PCDH15: variants seen among roughly 807,000 people sequenced by gnomAD.
PCDH15 encodes the protein protocadherin-15.
A neutral mutation model predicts 178.5 loss-of-function variants in PCDH15; 129 were observed. The ratio of observed to expected loss-of-function variants is 0.72; its 90% CI spans 0.63 to 0.84. The LOEUF (loss-of-function observed/expected upper bound fraction) is 0.84. Ranked by LOEUF, PCDH15 falls within the 40% of genes least tolerant of loss-of-function variation. PCDH15 has a pLI of 0.00. For missense variants in PCDH15, 2,230 were observed against 2,099.9 expected (o/e 1.06, Z -1.21); for synonymous variants, 800 against 732.0 (o/e 1.09, Z -1.50).
chr10:55,177,776 C>T (rs1049354442), intron 1 of PCDH15, among the ~76,000 whole-genome samples: 3 of 152,102 alleles, frequency 2.0e-5, no homozygotes, highest in African/African-American at 7.2e-5. Flanking sequence ...CTGAACATGA[C>T]TGCAAACAGA....
At chr10:54,387,898 G>C (rs1479976835) in intron 3 of PCDH15, among the ~76,000 whole-genome samples, 4 of 152,074 alleles carry the variant, frequency 2.6e-5, no homozygotes, top group African/African-American at 7.2e-5. Context: ...CTGGTGTTTT[G>C]GTAACACACT....
At chr10:54,495,182 T>G (rs2137239535) in intron 3 of PCDH15, among the ~76,000 whole-genome samples, 1 of 152,312 alleles carries the variant, frequency 6.6e-6, no homozygotes, top group South Asian at 2.1e-4. Flanking sequence ...ACCTATGTTC[T>G]AATGTAATTT....
Position 54,317,307 on chromosome 10 carries a change from G to A in PCDH15, c.840C>T (p.Leu280=), listed in dbSNP as rs201674866. 2 of 1,613,806 alleles carry A rather than the reference G, an allele frequency of 1.2e-6. No homozygotes were observed. Among genetic ancestry groups the A allele is most frequent in the Non-Finnish European group, 1.7e-6 (2 of 1,179,900 alleles). The change falls in exon 8 of 38, where the codon CTC becomes CTT. Residue 280 remains leucine (L), a synonymous_variant. Transcript: ENST00000644397. ...LVPNTRDCRP[L]TYQAAIPELR... The stretch of plus-strand genomic sequence containing the variant: ...ACTCAGGTATGGCAGCTTGATAAGT[G>A]AGTGGACGGCAATCACGAGTGTTTG...
intron 13 of PCDH15, among the ~76,000 whole-genome samples, chr10:54,171,549 T>G (rs2046910330): frequency 6.9e-6 from 1 of 145,462 alleles, no homozygotes; most frequent in African/African-American, 2.7e-5. Context: ...TACTCGTACA[T>G]GCCCTGCTCT....
intron 1 of PCDH15, among the ~76,000 whole-genome samples, chr10:55,276,184 A>AC (rs1334337068): frequency 6.6e-6 from 1 of 150,900 alleles, no homozygotes; most frequent in Non-Finnish European, 1.5e-5. Context: ...TAAAAACGTA[A>AC]CTTTTTTCTT....
intron 5 of PCDH15, 49 bp downstream of exon 5, chr10:54,369,071 G>T: frequency 6.3e-7 from 1 of 1,576,214 alleles, no homozygotes; most frequent in Non-Finnish European, 8.7e-7. Flanking sequence ...TATATAGTTA[G>T]ATACATATAT....
At chr10:55,391,050 A>C (rs1837780843) in intron 2 of PCDH15, among the ~76,000 whole-genome samples, 1 of 152,150 alleles carries the variant, frequency 6.6e-6, no homozygotes, top group Non-Finnish European at 1.5e-5. Flanking sequence ...CCAGCCAGGC[A>C]TTGACTTCTC....
intron 11 of PCDH15, chr10:54,189,460 C>T: frequency 9.8e-7 from 1 of 1,025,088 alleles, no homozygotes; most frequent in South Asian, 2.2e-5. Flanking sequence ...AAAAAGCAAA[C>T]CACTTCCAGC....
intron 2 of PCDH15, among the ~76,000 whole-genome samples, chr10:54,907,899 G>A (rs1344624291): frequency 1.3e-5 from 2 of 152,154 alleles, no homozygotes; most frequent in African/African-American, 4.8e-5. Flanking sequence ...CCTAAGGTAG[G>A]CCTAAGAAGT....
chr10:54,750,410 C>A (rs1946072381), intron 1 of PCDH15, among the ~76,000 whole-genome samples: 1 of 151,984 alleles, frequency 6.6e-6, no homozygotes, highest in Admixed American at 6.6e-5. Flanking sequence ...AAAGGAAACA[C>A]CTTTTTGGTG....
chr10:54,071,852 T>C (rs1019987455), intron 17 of PCDH15, among the ~76,000 whole-genome samples: 1 of 152,136 alleles, frequency 6.6e-6, no homozygotes, highest in African/African-American at 2.4e-5. Flanking sequence ...TTCTTTTCTA[T>C]AGTCAACAAG....
At chr10:55,589,264 T>G (rs1842788903) in intron 2 of PCDH15, among the ~76,000 whole-genome samples, 1 of 152,094 alleles carries the variant, frequency 6.6e-6, no homozygotes, top group Non-Finnish European at 1.5e-5. Context: ...AGTTTCAACT[T>G]TCTACATATG....
chr10:53,955,049 T>C (rs1408973798), intron 23 of PCDH15, among the ~76,000 whole-genome samples: 2 of 152,178 alleles, frequency 1.3e-5, no homozygotes, highest in Admixed American at 6.5e-5. Context: ...TAGGACACAG[T>C]TGCCTAGCAA....
chr10:55,286,975 T>C (rs1273826582), intron 1 of PCDH15, among the ~76,000 whole-genome samples: 2 of 152,068 alleles, frequency 1.3e-5, no homozygotes, highest in Non-Finnish European at 2.9e-5. Flanking sequence ...AGCTAGCATA[T>C]CATTACTTCC....
intron 18 of PCDH15, among the ~76,000 whole-genome samples, chr10:54,024,425 T>C (rs2093020814): frequency 6.6e-6 from 1 of 152,136 alleles, no homozygotes; most frequent in South Asian, 2.1e-4. Flanking sequence ...ATATGATGTA[T>C]TTTAACAGCA....
intron 18 of PCDH15, among the ~76,000 whole-genome samples, chr10:54,060,009 A>T (rs1265576289): frequency 1.3e-5 from 2 of 152,224 alleles, no homozygotes; most frequent in African/African-American, 4.8e-5. Context: ...TTTAAGATGA[A>T]TAAACAAAAA....
intron 26 of PCDH15, among the ~76,000 whole-genome samples, chr10:53,887,663 C>T (rs1006334188): frequency 1.3e-5 from 2 of 151,954 alleles, no homozygotes; most frequent in Admixed American, 1.3e-4. Flanking sequence ...CCGAGGCGGG[C>T]GGATCACGAG....
At chr10:54,166,844 T>G (rs916680933) in intron 13 of PCDH15, among the ~76,000 whole-genome samples, 2 of 152,180 alleles carry the variant, frequency 1.3e-5, no homozygotes, top group African/African-American at 4.8e-5. Context: ...AGTCCTTGCC[T>G]TAAGTGATGA....
intron 8 of PCDH15, among the ~76,000 whole-genome samples, chr10:54,238,096 G>A (rs1207536355): frequency 6.6e-6 from 1 of 152,022 alleles, no homozygotes; most frequent in Non-Finnish European, 1.5e-5. Context: ...ATTCTAAAGG[G>A]AAATTCCATT....
Sources: allele counts gnomAD v4.1 joint callset (sites outside exome capture counted in the v4.1 genomes callset), GRCh38; gene constraint gnomAD v4.1.1; transcripts MANE v1.5; gene names NCBI Gene and HGNC (gene_info 2026-07-23, HGNC 2026-07-21).